The following CCDC170 variants were observed in gnomAD, a reference collection of about 807,000 sequenced individuals.
The protein encoded by CCDC170 is coiled-coil domain containing 170.
A neutral mutation model predicts 72.6 loss-of-function variants in CCDC170; 69 were observed. The observed-to-expected ratio is 0.95, with a 90% CI of 0.78 to 1.16. The LOEUF (loss-of-function observed/expected upper bound fraction) is 1.16, where lower values mean the gene tolerates loss of function less well. Ranked by LOEUF, CCDC170 falls within the 50% of genes most tolerant of loss-of-function variation. CCDC170 has a pLI of 0.00. For missense variants in CCDC170, 852 were observed against 832.5 expected, an observed-to-expected ratio of 1.02 and a Z score of -0.29; for synonymous variants, 300 against 303.9, an observed-to-expected ratio of 0.99 and a Z score of 0.13.
chr6:151,536,751 G>A (rs1177017344), intron 2 of CCDC170, among the ~76,000 whole-genome samples: 1 of 128,368 alleles, frequency 7.8e-6, no homozygotes, highest in Non-Finnish European at 1.5e-5. Context: ...CTCCAGCCTG[G>A]TGACAGAGTG....
intron 5 of CCDC170, among the ~76,000 whole-genome samples, chr6:151,552,869 C>G (rs1176992226): frequency 7.0e-6 from 1 of 143,500 alleles, no homozygotes; most frequent in Non-Finnish European, 1.5e-5. Context: ...TCACTGCAAC[C>G]TCTGCCTTCC....
At chr6:151,507,661 GC>G (rs929057439) in intron 1 of CCDC170, among the ~76,000 whole-genome samples, 91 of 152,252 alleles carry the variant, frequency 6.0e-4, no homozygotes, top group African/African-American at 2.1e-3. Context: ...AGTGGCTCAT[GC>G]CTGTAATCCC....
intron 9 of CCDC170, among the ~76,000 whole-genome samples, chr6:151,601,105 C>T (rs1776702286): frequency 6.6e-6 from 1 of 152,152 alleles, no homozygotes; most frequent in Admixed American, 6.5e-5. Flanking sequence ...TTTACAGTTC[C>T]ACATGGCTGG....
intron 1 of CCDC170, among the ~76,000 whole-genome samples, chr6:151,500,518 T>C (rs893417117): frequency 1.6e-4 from 24 of 151,902 alleles, no homozygotes; most frequent in African/African-American, 5.6e-4. Flanking sequence ...AAAATCTAAA[T>C]ATATACTATT....
At chr6:151,591,019 A>G (rs1390467992) in intron 7 of CCDC170, among the ~76,000 whole-genome samples, 1 of 152,242 alleles carries the variant, frequency 6.6e-6, no homozygotes, top group African/African-American at 2.4e-5. Context: ...ACAATGCAAT[A>G]AGTGATATTT....
intron 4 of CCDC170, among the ~76,000 whole-genome samples, chr6:151,545,264 CA>C (rs1424245503): frequency 6.6e-6 from 1 of 151,998 alleles, no homozygotes; most frequent in Non-Finnish European, 1.5e-5. Context: ...TACTAAAATA[CA>C]AAAATTAGCC....
In CCDC170 at chr6:151,518,646, G is replaced by C. The variant is rs115312043; in HGVS notation, c.58-17672G>C. Among the ~76,000 whole-genome samples, 415 of 135,400 alleles carry C rather than the reference G, an allele frequency of 3.1e-3. 1 individual carries two copies. Among genetic ancestry groups the C allele is most frequent in the African/African-American group, 0.011 (404 of 37,516 alleles). The allele number at this position is 135,400 out of a possible 152,430, so 88.8% of individuals were successfully genotyped here. On this transcript the variant is annotated intron_variant, in intron 1 of 10. Coordinates refer to ENST00000239374, the MANE Select transcript of CCDC170 (RefSeq NM_025059.4). ...GATAAACAAGGGGTATATGTATCAG[G>C]GGAACCAGCCCCCAATATTTCAACG...
Position 151,618,263 on chromosome 6 carries a change from A to G in CCDC170, c.*116A>G. On this transcript the variant is annotated 3_prime_UTR_variant, in exon 11 of 11. Coordinates refer to ENST00000239374, the MANE Select transcript of CCDC170 (RefSeq NM_025059.4). Reference sequence around the variant, plus strand: ...TGTGAATATTTTATGCTTTGATGATATAGTGAGAATGCATCACTTGCAAAA... The same window carrying G: ...TGTGAATATTTTATGCTTTGATGATGTAGTGAGAATGCATCACTTGCAAAA... The G allele has an allele frequency of 1.1e-6, 1 of 896,432 alleles. No individual in the cohort carries two copies. Among genetic ancestry groups the G allele is most frequent in the Non-Finnish European group, 1.7e-6 (1 of 590,524 alleles). The allele number at this position is 896,432 out of a possible 1,614,324, so 55.5% of individuals were successfully genotyped here.
chr6:151,528,827 G>A (rs976499025), intron 1 of CCDC170, among the ~76,000 whole-genome samples: 1 of 151,872 alleles, frequency 6.6e-6, no homozygotes, highest in Non-Finnish European at 1.5e-5. Context: ...AACAGAGTAA[G>A]ACTCTGTCTC....
intron 1 of CCDC170, among the ~76,000 whole-genome samples, chr6:151,521,030 G>C (rs1256588685): frequency 6.6e-6 from 1 of 152,188 alleles, no homozygotes; most frequent in African/African-American, 2.4e-5. Flanking sequence ...TGAACCCATT[G>C]GGTGGTTACA....
chr6:151,565,456 G>A (rs767223106), intron 5 of CCDC170, among the ~76,000 whole-genome samples: 17 of 152,148 alleles, frequency 1.1e-4, no homozygotes, highest in Non-Finnish European at 2.2e-4. Context: ...CCCTGCATTG[G>A]GGAGCTTCTC....
chr6:151,555,857 CCTT>C (rs1396729184), intron 5 of CCDC170, among the ~76,000 whole-genome samples: 13 of 152,340 alleles, frequency 8.5e-5, no homozygotes, highest in Admixed American at 6.5e-4. Context: ...CTTGAACCCT[CCTT>C]CTTATTGCCT....
At chr6:151,591,463 G>GT (rs869213916) in intron 7 of CCDC170, among the ~76,000 whole-genome samples, 4 of 53,740 alleles carry the variant, frequency 7.4e-5, no homozygotes, top group East Asian at 5.0e-3. Flanking sequence ...CGCTGTTTTA[G>GT]GGGGGAGGTG....
intron 5 of CCDC170, among the ~76,000 whole-genome samples, chr6:151,550,658 A>G (rs1490408138): frequency 6.6e-6 from 1 of 152,146 alleles, no homozygotes; most frequent in African/African-American, 2.4e-5. Context: ...AAACAACATA[A>G]ATGTATTTCT....
intron 10 of CCDC170, 121 bp from the exon 11 acceptor site, chr6:151,617,826 A>G: frequency 3.7e-6 from 3 of 815,116 alleles, no homozygotes; most frequent in Non-Finnish European, 5.8e-6. Context: ...AAGAGAGTAG[A>G]TAATTTCCCT....
intron 1 of CCDC170, among the ~76,000 whole-genome samples, chr6:151,509,792 C>A (rs1052598936): frequency 2.6e-5 from 4 of 152,140 alleles, no homozygotes; most frequent in Admixed American, 2.0e-4. Context: ...GAAAGGTGAT[C>A]ATTTCAACTT....
At chr6:151,558,232 G>GTTTTTTTTTTTTTTTTTTTTTTTT (rs55648936) in intron 5 of CCDC170, among the ~76,000 whole-genome samples, 1 of 70,880 alleles carries the variant, frequency 1.4e-5, no homozygotes, top group Non-Finnish European at 2.6e-5. Context: ...TGAGATTAGT[G>GTTTTTTTTTTTTTTTTTTTTTTTT]TTTTTTTTTT....
chr6:151,560,447 G>A (rs1190617983), intron 5 of CCDC170, among the ~76,000 whole-genome samples: 8 of 152,114 alleles, frequency 5.3e-5, no homozygotes, highest in African/African-American at 1.9e-4. Flanking sequence ...TGGTTGTGGG[G>A]TGCAGTATTC....
intron 5 of CCDC170, among the ~76,000 whole-genome samples, chr6:151,570,881 A>G (rs1470398062): frequency 6.6e-6 from 1 of 152,228 alleles, no homozygotes; most frequent in Non-Finnish European, 1.5e-5. Context: ...CTCTACAGAC[A>G]TGACTAGTTT....
Sources: allele counts gnomAD v4.1 joint callset (sites outside exome capture counted in the v4.1 genomes callset), GRCh38; gene constraint gnomAD v4.1.1; transcripts MANE v1.5; gene names NCBI Gene and HGNC (gene_info 2026-07-23, HGNC 2026-07-21).